Variants in GRIP1 observed in about 807,000 individuals in gnomAD.
The protein encoded by GRIP1 is glutamate receptor interacting protein 1.
Under a neutral mutation model 129.9 loss-of-function variants are expected in GRIP1, and 45 were observed. The observed-to-expected ratio is 0.35, with a 90% CI of 0.27 to 0.44. GRIP1 has a LOEUF of 0.44. GRIP1 is among the 20% of genes least tolerant of loss of function. The pLI, the probability that GRIP1 is intolerant of heterozygous loss-of-function variation, is 1.00. For synonymous variants in GRIP1, 530 were observed against 520.8 expected, an observed-to-expected ratio of 1.02 and a Z score of -0.24; for missense variants, 1,196 against 1,396.8, an observed-to-expected ratio of 0.86 and a Z score of 2.29.
intron 17 of GRIP1, among the ~76,000 whole-genome samples, chr12:66,393,909 G>A (rs2056689541): frequency 6.6e-6 from 1 of 152,176 alleles, no homozygotes; most frequent in Admixed American, 6.5e-5. Flanking sequence ...CTGAACTTTA[G>A]TTTCCTCCTC....
chr12:66,498,025 C>T (rs1476189418), intron 7 of GRIP1, among the ~76,000 whole-genome samples: 1 of 152,096 alleles, frequency 6.6e-6, no homozygotes, highest in Non-Finnish European at 1.5e-5. Context: ...CACCTTGCGA[C>T]CCCCACTCCT....
intron 7 of GRIP1, among the ~76,000 whole-genome samples, chr12:66,485,250 T>A (rs1391452614): frequency 3.3e-5 from 5 of 152,184 alleles, no homozygotes; most frequent in African/African-American, 1.2e-4. Flanking sequence ...TATCACACTG[T>A]GTTTTCAATT....
At chr12:66,955,753 C>T (rs1272303831) in intron 1 of GRIP1, among the ~76,000 whole-genome samples, 5 of 151,858 alleles carry the variant, frequency 3.3e-5, no homozygotes, top group Admixed American at 6.6e-5. Context: ...GTGATCCACC[C>T]GCCTCGGCCT....
intron 2 of GRIP1, among the ~76,000 whole-genome samples, chr12:66,573,517 C>T (rs1393300667): frequency 6.6e-6 from 1 of 152,138 alleles, no homozygotes; most frequent in Admixed American, 6.5e-5. Context: ...TCTCATTTCA[C>T]ACAATGGGAA....
At position 67,050,348 on chromosome 12, in the gene GRIP1, AAAATAATT is replaced by A. The variant is rs1366361013; in HGVS notation, c.58+18694_58+18701del. Reference sequence around the variant, plus strand: ...TCTTAGGCCTGAAATGAAGAAAAACAAAATAATTAGATTGATATAGGACCAGCTTTATA... The same window carrying A: ...TCTTAGGCCTGAAATGAAGAAAAACAAGATTGATATAGGACCAGCTTTATA... On this transcript the variant is annotated intron_variant, in intron 1 of 1. Coordinates refer to the GRIP1 transcript ENST00000643019. 4.2e-3 allele frequency among the ~76,000 whole-genome samples: 634 copies of A among 152,284 alleles called. 1 individual carries two copies. The highest frequency in any genetic ancestry group is 0.014 in the African/African-American group (595 of 41,582).
intron 16 of GRIP1, among the ~76,000 whole-genome samples, chr12:66,401,142 C>T (rs771568437): frequency 9.2e-5 from 14 of 152,082 alleles, no homozygotes; most frequent in Non-Finnish European, 1.8e-4. Flanking sequence ...GCCTACAACC[C>T]CAAGTGTTCC....
chr12:66,402,378 CAATA>C (rs544632467), intron 16 of GRIP1, among the ~76,000 whole-genome samples: 17 of 152,170 alleles, frequency 1.1e-4, no homozygotes, highest in Non-Finnish European at 2.1e-4. Context: ...ACTTCATAGA[CAATA>C]AACGAATGCT....
chr12:66,578,059 G>C (rs1262923669), intron 2 of GRIP1, among the ~76,000 whole-genome samples: 1 of 152,080 alleles, frequency 6.6e-6, no homozygotes, highest in Non-Finnish European at 1.5e-5. Context: ...CAATTGCAGA[G>C]CAACTTGAAA....
At chr12:66,366,267 C>T (rs905179228) in intron 23 of GRIP1, among the ~76,000 whole-genome samples, 1 of 152,196 alleles carries the variant, frequency 6.6e-6, no homozygotes, top group African/African-American at 2.4e-5. Context: ...ATTTCCATTT[C>T]ATACTTCCTC....
At position 66,638,753 on chromosome 12, in the gene GRIP1, C is replaced by CT. The variant is rs1327729559; in HGVS notation, c.55+40096dup. ...TGTTGGGATCTCATTCTCTCTCTCT[C>CT]TCTTTTTTTTGTCTTGGTCTCAGCT... On this transcript the variant is annotated intron_variant, in intron 1 of 24. Coordinates refer to ENST00000359742, the MANE Select transcript of GRIP1 (RefSeq NM_001366722.1). Among the ~76,000 whole-genome samples, 9 of 151,542 alleles carry CT rather than the reference C, an allele frequency of 5.9e-5. No homozygotes were observed. The South Asian group carries it at 6.2e-4, about 10-fold the overall frequency.
chr12:66,492,030 CT>C (rs761298407), intron 7 of GRIP1, among the ~76,000 whole-genome samples: 5 of 152,146 alleles, frequency 3.3e-5, no homozygotes, highest in South Asian at 4.1e-4. Flanking sequence ...GTGTGCCAGC[CT>C]GAGAAAGAAT....
intron 1 of GRIP1, among the ~76,000 whole-genome samples, chr12:66,897,019 A>C (rs2040761449): frequency 6.6e-6 from 1 of 152,212 alleles, no homozygotes; most frequent in Non-Finnish European, 1.5e-5. Context: ...AGTTTGCCTG[A>C]GTCCAAGTGC....
chr12:66,946,855 A>AAC (rs1327499252), intron 1 of GRIP1, among the ~76,000 whole-genome samples: 2 of 151,016 alleles, frequency 1.3e-5, no homozygotes, highest in African/African-American at 4.9e-5. Context: ...CCAGTTGGCC[A>AAC]ACATGATGAA....
intron 2 of GRIP1, among the ~76,000 whole-genome samples, chr12:66,587,471 T>A (rs2063685225): frequency 6.6e-6 from 1 of 152,246 alleles, no homozygotes; most frequent in Admixed American, 6.5e-5. Context: ...GGCCAGGCAT[T>A]CAATGTTTGC....
chr12:66,886,588 G>A (rs934527216), intron 1 of GRIP1, among the ~76,000 whole-genome samples: 1 of 152,070 alleles, frequency 6.6e-6, no homozygotes, highest in Non-Finnish European at 1.5e-5. Flanking sequence ...CGACCCATAA[G>A]AGGAGACTCC....
chr12:67,033,392 C>T (rs969713302), intron 1 of GRIP1, among the ~76,000 whole-genome samples: 1 of 151,586 alleles, frequency 6.6e-6, no homozygotes, highest in African/African-American at 2.4e-5. Context: ...ACTTTCTGTC[C>T]ACACCCAAAA....
chr12:66,827,284 T>C (rs905499497), intron 1 of GRIP1, among the ~76,000 whole-genome samples: 5 of 151,936 alleles, frequency 3.3e-5, no homozygotes, highest in East Asian at 1.9e-4. Flanking sequence ...TCAGAATGTT[T>C]GCAGGGCTTC....
At chr12:67,011,299 C>T (rs1011166290) in intron 1 of GRIP1, among the ~76,000 whole-genome samples, 1 of 152,156 alleles carries the variant, frequency 6.6e-6, no homozygotes, top group African/African-American at 2.4e-5. Flanking sequence ...TGGAAGCAAC[C>T]AGTCCACCAA....
At chr12:66,815,882 T>TCTC (rs1566036838) in intron 1 of GRIP1, among the ~76,000 whole-genome samples, 10 of 76,758 alleles carry the variant, frequency 1.3e-4, no homozygotes, top group South Asian at 8.7e-4. Flanking sequence ...CTCTCTCTCT[T>TCTC]TCTTTCTTTC....
Sources: gnomAD v4.1 joint callset for allele counts (sites outside exome capture counted in the v4.1 genomes callset) on GRCh38, gnomAD v4.1.1 for gene constraint, MANE v1.5 for transcripts, NCBI Gene and HGNC (gene_info 2026-07-23, HGNC 2026-07-21) for gene names.